ARSJ: variants seen among roughly 807,000 people sequenced by gnomAD.
The protein encoded by ARSJ is arylsulfatase family member J.
A neutral mutation model predicts 35.9 loss-of-function variants in ARSJ; 26 were observed. The ratio of observed to expected loss-of-function variants is 0.72; its 90% CI spans 0.53 to 1.00. ARSJ has a LOEUF of 1.00. ARSJ is among the 50% of genes least tolerant of loss of function. The probability of loss-of-function intolerance (pLI) is 0.00; values close to 1 mark genes in which losing one functional copy is unlikely to be tolerated. For synonymous variants in ARSJ, 294 were observed against 267.6 expected, an observed-to-expected ratio of 1.10 and a Z score of -0.96; for missense variants, 667 against 723.6, an observed-to-expected ratio of 0.92 and a Z score of 0.90.
At chr4:113,926,147 CA>C (rs1190602227) in intron 1 of ARSJ, among the ~76,000 whole-genome samples, 1 of 152,082 alleles carries the variant, frequency 6.6e-6, no homozygotes, top group East Asian at 1.9e-4. Flanking sequence ...ACATGGGATA[CA>C]AATATCTTCA....
At chr4:113,919,994 T>C (rs145231353) in intron 1 of ARSJ, among the ~76,000 whole-genome samples, 214 of 151,746 alleles carry the variant, frequency 1.4e-3, no homozygotes, top group Non-Finnish European at 2.3e-3. Context: ...TCTATAGAAA[T>C]AAAGCACTTC....
intron 1 of ARSJ, among the ~76,000 whole-genome samples, chr4:113,909,131 A>G (rs1176230024): frequency 4.6e-5 from 7 of 152,068 alleles, no homozygotes. Context: ...AGAGAAGTAC[A>G]GAAGGAGTGG....
chr4:113,903,244 C>T lies in ARSJ; in HGVS notation c.830G>A (p.Arg277Lys). Residue 277 changes from arginine (R) to lysine (K), a missense_variant, in exon 2 of 2, where the codon AGG (arginine) becomes AAG (lysine). Physicochemically the swap from Arg to Lys is conservative, Grantham distance 26. Transcript: ENST00000315366. ...AVHSPLQAPG[R>K]YFEHYRSIIN... ...AATGGATCGGTAGTGTTCGAAATAC[C>T]TGCCAGGAGCTTGCAGTGGTGAATG... 1 of 1,614,148 alleles carries T rather than the reference C, an allele frequency of 6.2e-7. No individual in the cohort carries two copies. The highest frequency in any genetic ancestry group is 8.5e-7 in the Non-Finnish European group (1 of 1,180,040).
intron 1 of ARSJ, among the ~76,000 whole-genome samples, chr4:113,939,591 A>G (rs1725008563): frequency 6.6e-6 from 1 of 152,062 alleles, no homozygotes; most frequent in South Asian, 2.1e-4. Context: ...TGACTTTTTA[A>G]TGATTGCCAT....
intron 1 of ARSJ, among the ~76,000 whole-genome samples, chr4:113,920,335 G>A (rs1386163306): frequency 1.3e-5 from 2 of 151,990 alleles, no homozygotes; most frequent in African/African-American, 2.4e-5. Context: ...AAAACACAAC[G>A]GTAAAAGTAA....
At chr4:113,912,735 ATGTGTGTGTGTG>A (rs34936997) in intron 1 of ARSJ, among the ~76,000 whole-genome samples, 1 of 147,486 alleles carries the variant, frequency 6.8e-6, no homozygotes, top group Non-Finnish European at 1.5e-5. Flanking sequence ...ATAAATGAGA[ATGTGTGTGTGTG>A]TGTGTGTGTG....
intron 1 of ARSJ, among the ~76,000 whole-genome samples, chr4:113,972,740 C>A (rs1402374465): frequency 2.0e-5 from 3 of 152,150 alleles, no homozygotes; most frequent in Non-Finnish European, 2.9e-5. Flanking sequence ...AAGCAAAATC[C>A]TCTTTAACTT....
Position 113,915,316 on chromosome 4 carries a change from G to A in ARSJ, c.399-11641C>T, listed in dbSNP as rs959816863. On this transcript the variant is annotated intron_variant, in intron 1 of 1. Transcript: ENST00000315366. Reference sequence around the variant, plus strand: ...TTATTTAGGATTTATTATTAATGGCGGTATTATTAAGCAATTAGTCCTGGC... The same window carrying A: ...TTATTTAGGATTTATTATTAATGGCAGTATTATTAAGCAATTAGTCCTGGC... Among the ~76,000 whole-genome samples the A allele has an allele frequency of 5.3e-5, 8 of 151,980 alleles. No individual in the cohort carries two copies. The East Asian group carries it at 1.4e-3, about 26-fold the overall frequency.
intron 1 of ARSJ, among the ~76,000 whole-genome samples, chr4:113,924,066 A>AATATATATAT (rs1403326700): frequency 9.3e-6 from 1 of 107,506 alleles, no homozygotes; most frequent in Non-Finnish European, 1.8e-5. Flanking sequence ...AATATATATA[A>AATATATATAT]ATATATATAA....
chr4:113,957,815 T>C (rs1229692703), intron 1 of ARSJ, among the ~76,000 whole-genome samples: 1 of 152,094 alleles, frequency 6.6e-6, no homozygotes, highest in Non-Finnish European at 1.5e-5. Flanking sequence ...CATCTCTTAA[T>C]TGTTATGATG....
At chr4:113,960,676 G>A (rs1390855540) in intron 1 of ARSJ, among the ~76,000 whole-genome samples, 2 of 152,068 alleles carry the variant, frequency 1.3e-5, no homozygotes, top group African/African-American at 4.8e-5. Flanking sequence ...ATAACTTGAT[G>A]CTGGTACTTC....
chr4:113,941,679 A>G (rs1562358946), intron 1 of ARSJ, among the ~76,000 whole-genome samples: 1 of 152,062 alleles, frequency 6.6e-6, no homozygotes, highest in Non-Finnish European at 1.5e-5. Context: ...AACAAAAATA[A>G]ACATACAATT....
chr4:113,918,769 A>C (rs949183790), intron 1 of ARSJ, among the ~76,000 whole-genome samples: 1 of 152,112 alleles, frequency 6.6e-6, no homozygotes, highest in African/African-American at 2.4e-5. Context: ...ATCCATTGCT[A>C]ATGCTGTAGT....
At position 113,903,480 on chromosome 4, in the gene ARSJ, A is replaced by G; in HGVS notation, c.594T>C (p.Gly198=). 1 of 1,614,172 alleles carries G rather than the reference A, an allele frequency of 6.2e-7. No homozygotes were observed. The highest frequency in any genetic ancestry group is 1.1e-5 in the South Asian group (1 of 91,084). The change falls in exon 2 of 2, where the codon GGT becomes GGC. Residue 198 remains glycine, a synonymous_variant. Transcript: ENST00000315366. ...PTRRGFDTFF[G]SLLGSGDYYT... Reference sequence around the variant, plus strand: ...AGTAATCCCCACTTCCCAAAAGGGAACCAAAAAAGGTATCAAATCCTCTTC... The same window carrying G: ...AGTAATCCCCACTTCCCAAAAGGGAGCCAAAAAAGGTATCAAATCCTCTTC...
intron 1 of ARSJ, among the ~76,000 whole-genome samples, chr4:113,908,221 G>T (rs2099669354): frequency 6.6e-6 from 1 of 152,156 alleles, no homozygotes. Flanking sequence ...TGGGATCTCA[G>T]GATTAAAATG....
At chr4:113,922,093 T>A (rs1723719205) in intron 1 of ARSJ, among the ~76,000 whole-genome samples, 1 of 152,142 alleles carries the variant, frequency 6.6e-6, no homozygotes. Context: ...TGAAGTAATG[T>A]CTACTACAAG....
intron 1 of ARSJ, among the ~76,000 whole-genome samples, chr4:113,974,861 T>A (rs1056676990): frequency 6.6e-6 from 1 of 152,166 alleles, no homozygotes; most frequent in Non-Finnish European, 1.5e-5. Context: ...ACAAAAAACA[T>A]ATACAAGTAT....
chr4:113,903,542 G>A lies in ARSJ; in HGVS notation c.532C>T (p.His178Tyr). The A allele has an allele frequency of 6.2e-7, 1 of 1,614,130 alleles. No homozygotes were observed. Among genetic ancestry groups the A allele is most frequent in the Non-Finnish European group, 8.5e-7 (1 of 1,180,018 alleles). Residue 178 changes from histidine (H) to tyrosine (Y), a missense_variant, in exon 2 of 2, where the codon CAC becomes TAC. His to Tyr is a moderately conservative substitution (Grantham distance 83). Transcript: ENST00000315366. ...GYSTHMVGKWHLGFYRKECMP... is the reference protein window; with the variant it reads ...GYSTHMVGKWYLGFYRKECMP... ...CATTCTTTTCTGTAAAAACCCAAGT[G>A]CCATTTTCCGACCATATGCGTTGAA...
At chr4:113,917,983 A>G (rs1309646447) in intron 1 of ARSJ, among the ~76,000 whole-genome samples, 1 of 152,192 alleles carries the variant, frequency 6.6e-6, no homozygotes, top group Non-Finnish European at 1.5e-5. Context: ...ACAATATTTA[A>G]GAAATTACGG....
Sources: gnomAD v4.1 joint callset for allele counts (sites outside exome capture counted in the v4.1 genomes callset) on GRCh38, gnomAD v4.1.1 for gene constraint, MANE v1.5 for transcripts, NCBI Gene and HGNC (gene_info 2026-07-23, HGNC 2026-07-21) for gene names.